The following MECR variants were observed in gnomAD, a reference collection of about 807,000 sequenced individuals.
MECR encodes the protein mitochondrial trans-2-enoyl-CoA reductase.
MECR carries 37 observed loss-of-function variants against 49.1 expected under a neutral mutation model. The observed-to-expected ratio is 0.75, with a 90% confidence interval of 0.58 to 0.99. MECR has a LOEUF of 0.99. MECR is among the 50% of genes least tolerant of loss of function. The pLI is 0.00. For missense variants in MECR, 470 were observed against 479.6 expected (o/e 0.98, Z 0.19); for synonymous variants, 198 against 191.1 (o/e 1.04, Z -0.30).
intron 4 of MECR, among the ~76,000 whole-genome samples, chr1:29,203,892 G>A (rs1035987386): frequency 2.6e-5 from 4 of 152,252 alleles, no homozygotes; most frequent in Non-Finnish European, 4.4e-5. Context: ...GGCAGCCCCT[G>A]AAACAGGGTC....
At chr1:29,196,080 G>T in intron 8 of MECR, 67 bp from the exon 9 acceptor site, 1 of 1,594,946 alleles carries the variant, frequency 6.3e-7, no homozygotes, top group South Asian at 1.1e-5. Context: ...TAAGGGTACA[G>T]ACTCCCCTCC....
chr1:29,205,472 C>G (rs1393498845), intron 4 of MECR, among the ~76,000 whole-genome samples: 1 of 151,580 alleles, frequency 6.6e-6, no homozygotes, highest in Non-Finnish European at 1.5e-5. Flanking sequence ...GCATGAGACA[C>G]CATGCCTGGC....
intron 3 of MECR, among the ~76,000 whole-genome samples, chr1:29,214,437 C>T (rs1406466178): frequency 6.6e-6 from 1 of 151,384 alleles, no homozygotes; most frequent in Non-Finnish European, 1.5e-5. Context: ...TCTCGGCTCA[C>T]TGTAGCCTCC....
chr1:29,191,346 C>T (rs959562581), downstream of MECR, among the ~76,000 whole-genome samples: 1 of 152,076 alleles, frequency 6.6e-6, no homozygotes, highest in African/African-American at 2.4e-5. Flanking sequence ...CTCTCTTGCC[C>T]AGGCTGAAGT....
At chr1:29,192,112 G>A (rs1370665153), downstream of MECR, among the ~76,000 whole-genome samples, 3 of 151,890 alleles carry the variant, frequency 2.0e-5, no homozygotes, top group East Asian at 3.9e-4. Flanking sequence ...CAAACATTCC[G>A]AGCCAGTTTT....
At chr1:29,190,390 C>A (rs1193950821), downstream of MECR, among the ~76,000 whole-genome samples, 1 of 151,704 alleles carries the variant, frequency 6.6e-6, no homozygotes, top group African/African-American at 2.4e-5. Context: ...AAACCGTAGT[C>A]AAAGATGGCT....
chr1:29,210,254 C>T (rs964958250), intron 3 of MECR, among the ~76,000 whole-genome samples: 2 of 152,124 alleles, frequency 1.3e-5, no homozygotes, highest in African/African-American at 4.8e-5. Context: ...CCTCGTGATC[C>T]GCCCATCTTG....
At chr1:29,207,350 T>C (rs1340112115) in intron 3 of MECR, among the ~76,000 whole-genome samples, 2 of 151,988 alleles carry the variant, frequency 1.3e-5, no homozygotes, top group African/African-American at 4.8e-5. Context: ...GAACTCCCGG[T>C]CTCAGGTGAT....
chr1:29,180,686 C>A, the MECR span, among the ~76,000 whole-genome samples: 2 of 152,160 alleles, frequency 1.3e-5, no homozygotes, highest in East Asian at 3.8e-4. Context: ...ATTTTATATC[C>A]ATGCCTTCCA....
intron 1 of MECR, among the ~76,000 whole-genome samples, chr1:29,226,560 C>G (rs745359553): frequency 2.6e-5 from 4 of 152,104 alleles, no homozygotes; most frequent in Non-Finnish European, 4.4e-5. Context: ...GGTGAAACCC[C>G]ATCTATATTT....
intron 1 of MECR, among the ~76,000 whole-genome samples, chr1:29,228,415 C>T (rs1558517823): frequency 2.7e-5 from 4 of 149,820 alleles, no homozygotes; most frequent in South Asian, 4.2e-4. Context: ...TTCAATGGCG[C>T]GATCTCGGCT....
chr1:29,227,423 A>T (rs1003613679), intron 1 of MECR, among the ~76,000 whole-genome samples: 2 of 152,164 alleles, frequency 1.3e-5, no homozygotes, highest in Non-Finnish European at 2.9e-5. Flanking sequence ...AGGCCCAAAT[A>T]CTTATTTAGG....
chr1:29,212,670 C>T (rs1291208779), intron 3 of MECR, among the ~76,000 whole-genome samples: 1 of 152,198 alleles, frequency 6.6e-6, no homozygotes, highest in African/African-American at 2.4e-5. Context: ...TGTTTGCCCA[C>T]CTCCTCACTG....
intron 7 of MECR, among the ~76,000 whole-genome samples, chr1:29,196,982 G>A (rs934318316): frequency 4.6e-5 from 7 of 152,278 alleles, no homozygotes; most frequent in African/African-American, 1.7e-4. Context: ...TCCAGCCTAG[G>A]CAACACAGTG....
intron 4 of MECR, among the ~76,000 whole-genome samples, chr1:29,203,722 T>C (rs1227291810): frequency 1.3e-5 from 2 of 152,256 alleles, no homozygotes; most frequent in Admixed American, 6.5e-5. Flanking sequence ...TTAATGCACA[T>C]ACCACGGTCT....
the MECR span, among the ~76,000 whole-genome samples, chr1:29,173,796 C>G: frequency 2.0e-5 from 3 of 151,792 alleles, no homozygotes; most frequent in Admixed American, 2.0e-4. Context: ...AATAGACAAG[C>G]CTTAAAGGCT....
At chr1:29,192,631 G>T (rs1452403416), downstream of MECR, among the ~76,000 whole-genome samples, 1 of 152,160 alleles carries the variant, frequency 6.6e-6, no homozygotes, top group East Asian at 1.9e-4. Flanking sequence ...GGTACAGAGG[G>T]CCAGGTGATA....
chr1:29,179,458 G>T, the MECR span, among the ~76,000 whole-genome samples: 1 of 152,110 alleles, frequency 6.6e-6, no homozygotes, highest in South Asian at 2.1e-4. Context: ...ATCCTAGGCT[G>T]AAGTGATCCT....
In MECR at chr1:29,230,658, C is replaced by G; in HGVS notation, c.176+73G>C. On this transcript the variant is annotated intron_variant, in intron 1 of 9. Transcript: ENST00000263702. Reference sequence around the variant, plus strand: ...CTTCCTCGGACCCTGTCCCTCTCTTCCCAGTCCGCAGCTCGTGTTAAAGCC... The same window carrying G: ...CTTCCTCGGACCCTGTCCCTCTCTTGCCAGTCCGCAGCTCGTGTTAAAGCC... 2.0e-6 allele frequency: 3 copies of G among 1,517,376 alleles called. No individual in the cohort carries two copies. In the South Asian group the frequency reaches 3.7e-5, roughly 19 times the overall value. The allele number at this position is 1,517,376 out of a possible 1,614,324, so 94.0% of individuals were successfully genotyped here.
Sources: gnomAD v4.1 joint callset for allele counts (sites outside exome capture counted in the v4.1 genomes callset) on GRCh38, gnomAD v4.1.1 for gene constraint, MANE v1.5 for transcripts, NCBI Gene and HGNC (gene_info 2026-07-23, HGNC 2026-07-21) for gene names.